The following PTPRK variants were observed in gnomAD, a reference collection of about 807,000 sequenced individuals.
PTPRK encodes the protein protein tyrosine phosphatase receptor type K, also known as receptor-type tyrosine-protein phosphatase kappa.
A neutral mutation model predicts 178.0 loss-of-function variants in PTPRK; 75 were observed. The observed-to-expected ratio is 0.42, with a 90% confidence interval of 0.35 to 0.51. The LOEUF is 0.51. Among genes scored for constraint, PTPRK ranks in the 20% least tolerant of loss-of-function variants. The probability of loss-of-function intolerance (pLI) is 0.02; values close to 1 mark genes in which losing one functional copy is unlikely to be tolerated. For synonymous variants in PTPRK, 637 were observed against 620.6 expected, an observed-to-expected ratio of 1.03 and a Z score of -0.39; for missense variants, 1,441 against 1,797.8, an observed-to-expected ratio of 0.80 and a Z score of 3.59.
intron 1 of PTPRK, among the ~76,000 whole-genome samples, chr6:128,490,556 C>A (rs1158042822): frequency 6.6e-6 from 1 of 152,196 alleles, no homozygotes; most frequent in African/African-American, 2.4e-5. Context: ...AGCAGTACAG[C>A]ATGGTGATTA....
intron 7 of PTPRK, among the ~76,000 whole-genome samples, chr6:128,157,768 C>T (rs1003624799): frequency 5.3e-5 from 8 of 152,114 alleles, no homozygotes; most frequent in African/African-American, 7.2e-5. Flanking sequence ...ATATCCTTCA[C>T]CCACTTTTTG....
chr6:128,512,465 C>T (rs2128443898), intron 1 of PTPRK, among the ~76,000 whole-genome samples: 1 of 152,192 alleles, frequency 6.6e-6, no homozygotes, highest in East Asian at 1.9e-4. Flanking sequence ...TTCTGAATCA[C>T]TAGTGAATGG....
intron 21 of PTPRK, 96 bp downstream of exon 21, chr6:127,990,673 G>C: frequency 1.3e-6 from 1 of 759,816 alleles, no homozygotes. Flanking sequence ...TGAATGAATG[G>C]ATTTTATAGC....
At chr6:128,242,631 A>G (rs1170901512) in intron 3 of PTPRK, 29 bp from the exon 4 acceptor site, 1 of 1,606,412 alleles carries the variant, frequency 6.2e-7, no homozygotes, top group Non-Finnish European at 8.5e-7. Flanking sequence ...AAATATTTAC[A>G]ACAATAGTTT....
chr6:128,074,162 T>G (rs562352591), intron 11 of PTPRK, among the ~76,000 whole-genome samples: 39 of 152,152 alleles, frequency 2.6e-4, no homozygotes, highest in African/African-American at 9.4e-4. Context: ...AAATAGGTGG[T>G]GCTTAATGTT....
At chr6:128,389,010 T>C (rs1053491878) in intron 2 of PTPRK, among the ~76,000 whole-genome samples, 2 of 152,182 alleles carry the variant, frequency 1.3e-5, no homozygotes, top group African/African-American at 4.8e-5. Flanking sequence ...ACTGTCCTAT[T>C]TAATTTTATT....
Position 128,083,647 on chromosome 6 carries a change from C to T in PTPRK, c.1575+68G>A, listed in dbSNP as rs552968641. On this transcript the variant is annotated intron_variant, in intron 9 of 29. Coordinates refer to ENST00000368226, the MANE Select transcript of PTPRK (RefSeq NM_002844.4). ...ACGTCTTTTCCATATTTCCCTCTAA[C>T]TTTTCCTTTCTTCTTCCTTTTAGTC... is the stretch of plus-strand genomic sequence containing the variant. 2.8e-5 allele frequency: 25 copies of T among 888,108 alleles called. No homozygotes were observed. In the South Asian group the frequency reaches 5.9e-4, roughly 21 times the overall value. The allele number at this position is 888,108 out of a possible 1,614,324, so 55.0% of individuals were successfully genotyped here. A position where few individuals can be genotyped will look rare whatever the true frequency, so the allele number is the denominator to read the frequency against.
At chr6:128,182,867 A>T (rs1802152192) in intron 7 of PTPRK, among the ~76,000 whole-genome samples, 1 of 152,190 alleles carries the variant, frequency 6.6e-6, no homozygotes, top group African/African-American at 2.4e-5. Flanking sequence ...TATTAACAAT[A>T]CACTGTGTGG....
rs565411742 is a variant in PTPRK, at chr6:128,243,653, C to T, written c.496-1051G>A. Among the ~76,000 whole-genome samples, 11 of 151,532 alleles carry T rather than the reference C, an allele frequency of 7.3e-5. No homozygotes were observed. The South Asian group carries it at 1.5e-3, about 20-fold the overall frequency. On this transcript the variant is annotated intron_variant, in intron 3 of 29. Coordinates refer to ENST00000368226, the MANE Select transcript of PTPRK (RefSeq NM_002844.4). ...AGGCTGCAGTGAGGTAGGATGACAC[C>T]ACCGCACTCCAGCCTGAGCGACAGA...
chr6:128,203,457 G>A (rs965110712), intron 6 of PTPRK, among the ~76,000 whole-genome samples: 1 of 152,172 alleles, frequency 6.6e-6, no homozygotes, highest in African/African-American at 2.4e-5. Flanking sequence ...GAAATAAAGA[G>A]TATTTGAATA....
intron 7 of PTPRK, among the ~76,000 whole-genome samples, chr6:128,146,991 A>G (rs1484934416): frequency 2.0e-5 from 3 of 152,176 alleles, no homozygotes; most frequent in Admixed American, 2.0e-4. Context: ...CTGGAGAACT[A>G]AAGTGGGAAC....
rs754614588 is a variant in PTPRK, at chr6:128,067,731, T to C, written c.1945A>G (p.Met649Val). 4.3e-6 allele frequency: 7 copies of C among 1,613,460 alleles called. No homozygotes were observed. The highest frequency in any genetic ancestry group is 1.3e-5 in the African/African-American group (1 of 74,898). The change falls in exon 12 of 30, where the codon ATG becomes GTG. Residue 649 changes from methionine to valine, a missense_variant. Physicochemically the swap from Met to Val is conservative, Grantham distance 21 (BLOSUM62 1). This residue lies in a region of PTPRK where 945 missense variants were observed against 1,080.6 expected (regional missense o/e 0.87). Coordinates refer to ENST00000368226, the MANE Select transcript of PTPRK (RefSeq NM_002844.4). ...GTGACAGGAACCTGGTAGCATTCCA[T>C]GGCTCCGGCTTCTCTCTTGGTTCGG... ...PHRTKREAGA[M>V]ECYQVPVTYQ...
chr6:128,452,220 T>C (rs1031001537), intron 1 of PTPRK, among the ~76,000 whole-genome samples: 1 of 152,130 alleles, frequency 6.6e-6, no homozygotes, highest in African/African-American at 2.4e-5. Flanking sequence ...TTTGGTCCCC[T>C]TTCACTTTCT....
chr6:128,371,830 C>T (rs1040150329), intron 2 of PTPRK, among the ~76,000 whole-genome samples: 6 of 151,378 alleles, frequency 4.0e-5, no homozygotes, highest in Non-Finnish European at 7.4e-5. Flanking sequence ...GATCCGAGAT[C>T]GTGCCACTGC....
At chr6:128,223,853 T>C (rs1810829962) in intron 5 of PTPRK, among the ~76,000 whole-genome samples, 1 of 152,182 alleles carries the variant, frequency 6.6e-6, no homozygotes, top group Non-Finnish European at 1.5e-5. Flanking sequence ...CAGACTTTCC[T>C]CTAAACTAAA....
At chr6:128,482,016 A>T (rs1852155783) in intron 1 of PTPRK, among the ~76,000 whole-genome samples, 1 of 152,174 alleles carries the variant, frequency 6.6e-6, no homozygotes, top group Non-Finnish European at 1.5e-5. Context: ...AATAAATAAG[A>T]ACTAATGAAC....
At chr6:128,181,250 T>A (rs540903382) in intron 7 of PTPRK, among the ~76,000 whole-genome samples, 17 of 152,242 alleles carry the variant, frequency 1.1e-4, no homozygotes, top group Middle Eastern at 6.8e-3. Flanking sequence ...AAACATTTAC[T>A]ATTATCAGAA....
At chr6:128,484,080 A>C (rs1287753659) in intron 1 of PTPRK, among the ~76,000 whole-genome samples, 1 of 152,034 alleles carries the variant, frequency 6.6e-6, no homozygotes, top group African/African-American at 2.4e-5. Flanking sequence ...TGCCCTTCAA[A>C]TATAATTAAC....
At chr6:128,036,863 C>G (rs1417681128) in intron 13 of PTPRK, among the ~76,000 whole-genome samples, 3 of 151,952 alleles carry the variant, frequency 2.0e-5, no homozygotes, top group Non-Finnish European at 4.4e-5. Flanking sequence ...TCTGGAGTAG[C>G]TGGGATTACT....
Sources: gnomAD v4.1 joint callset for allele counts (sites outside exome capture counted in the v4.1 genomes callset) on GRCh38, gnomAD v4.1.1 for gene constraint, gnomAD v4.1.1 regional missense constraint, MANE v1.5 for transcripts, NCBI Gene and HGNC (gene_info 2026-07-23, HGNC 2026-07-21) for gene names.